TFB1M: variants seen among roughly 807,000 people sequenced by gnomAD.
TFB1M encodes the protein dimethyladenosine transferase 1, mitochondrial.
Under a neutral mutation model 31.1 loss-of-function variants are expected in TFB1M, and 27 were observed. That is an observed-to-expected ratio of 0.87 (90% CI 0.64 to 1.20). The LOEUF is 1.20. TFB1M is among the 50% of genes most tolerant of loss of function. TFB1M has a pLI of 0.00. For synonymous variants in TFB1M, 166 were observed against 151.8 expected (o/e 1.09, Z -0.69); for missense variants, 394 against 418.7 (o/e 0.94, Z 0.51).
the TFB1M span, chr6:155,245,533 C>G: frequency 2.9e-5 from 31 of 1,074,156 alleles, no homozygotes; most frequent in Non-Finnish European, 4.0e-5. Flanking sequence ...GCTATGGAAT[C>G]TGACAGAAGC....
intron 5 of TFB1M, among the ~76,000 whole-genome samples, chr6:155,278,404 G>A (rs1042195790): frequency 6.6e-6 from 1 of 152,176 alleles, no homozygotes; most frequent in African/African-American, 2.4e-5. Flanking sequence ...GTGTAAAAAC[G>A]CTCTATTTAA....
chr6:155,250,858 G>C, the TFB1M span: 1 of 1,548,174 alleles, frequency 6.5e-7, no homozygotes, highest in East Asian at 2.2e-5. Flanking sequence ...TCTAACAAGA[G>C]ATCATCTAGC....
chr6:155,310,609 T>C (rs1777972994), intron 2 of TFB1M, among the ~76,000 whole-genome samples: 1 of 152,192 alleles, frequency 6.6e-6, no homozygotes, highest in Non-Finnish European at 1.5e-5. Context: ...ACAATAACAG[T>C]GCCTGTATTT....
intron 5 of TFB1M, among the ~76,000 whole-genome samples, chr6:155,281,579 G>A (rs1785500909): frequency 6.6e-6 from 1 of 151,924 alleles, no homozygotes; most frequent in Non-Finnish European, 1.5e-5. Context: ...AAACTTAGCG[G>A]GGCATGATGG....
At chr6:155,309,716 CACGA>C (rs1777939114) in intron 2 of TFB1M, among the ~76,000 whole-genome samples, 1 of 152,152 alleles carries the variant, frequency 6.6e-6, no homozygotes, top group African/African-American at 2.4e-5. Flanking sequence ...AAAAGGGCTA[CACGA>C]ATAAGCCCGA....
chr6:155,249,535 T>G, the TFB1M span, among the ~76,000 whole-genome samples: 10 of 152,224 alleles, frequency 6.6e-5, no homozygotes, highest in African/African-American at 9.6e-5. Context: ...AATGAGATGA[T>G]TCACAGAAAT....
At chr6:155,240,615 C>G in the TFB1M span, 44 of 1,614,040 alleles carry the variant, frequency 2.7e-5, no homozygotes, top group Non-Finnish European at 3.6e-5. Context: ...AATCAGGATC[C>G]TCCTCCGAGG....
intron 5 of TFB1M, chr6:155,276,585 G>T (rs1785234574): frequency 1.9e-5 from 9 of 477,734 alleles, no homozygotes; most frequent in Non-Finnish European, 2.9e-5. Flanking sequence ...TTCCATTATT[G>T]TTTCCATGTT....
chr6:155,236,349 C>T, the TFB1M span, among the ~76,000 whole-genome samples: 3,960 of 151,822 alleles, frequency 0.026, 179 homozygotes, highest in African/African-American at 0.091. Context: ...TTAGCAACAC[C>T]TGGGGGAGTT....
At chr6:155,312,041 C>A (rs1778037402) in intron 1 of TFB1M, among the ~76,000 whole-genome samples, 1 of 152,130 alleles carries the variant, frequency 6.6e-6, no homozygotes, top group African/African-American at 2.4e-5. Context: ...AGTACTGACT[C>A]TGTGCAACCA....
chr6:155,290,589 TAAAGAA>T (rs1403710921), intron 4 of TFB1M, among the ~76,000 whole-genome samples: 3 of 152,026 alleles, frequency 2.0e-5, no homozygotes, highest in Non-Finnish European at 2.9e-5. Context: ...CTTTTTTTGT[TAAAGAA>T]AAAGAATTGC....
chr6:155,311,432 A>G, intron 1 of TFB1M, 93 bp from the exon 2 acceptor site: 2 of 1,044,684 alleles, frequency 1.9e-6, no homozygotes, highest in Middle Eastern at 4.1e-4. Context: ...AAATTCAGCC[A>G]TTACCCAATC....
At chr6:155,290,375 C>G (rs1229888567) in intron 4 of TFB1M, among the ~76,000 whole-genome samples, 35 of 114,566 alleles carry the variant, frequency 3.1e-4, no homozygotes, top group African/African-American at 1.2e-3. Flanking sequence ...GACAGAGCGG[C>G]GAGACTCGGC....
At chr6:155,252,601 C>T (rs1378461272), downstream of TFB1M, among the ~76,000 whole-genome samples, 1 of 152,206 alleles carries the variant, frequency 6.6e-6, no homozygotes, top group Non-Finnish European at 1.5e-5. Flanking sequence ...GGTTTATTTT[C>T]AAATGCCTTT....
rs1583298447 is a variant in TFB1M, at chr6:155,256,555, A to C, written c.*1281T>G. 6.2e-7 allele frequency: 1 copy of C among 1,614,164 alleles called. No homozygotes were observed. Among genetic ancestry groups the C allele is most frequent in the Non-Finnish European group, 8.5e-7 (1 of 1,180,018 alleles). On this transcript the variant is annotated 3_prime_UTR_variant, in exon 7 of 7. Coordinates refer to ENST00000367166, the MANE Select transcript of TFB1M (RefSeq NM_016020.4). Reference sequence around the variant, plus strand: ...GTGGACCGGTGAGACTGGCAAGGGAACCTTGCTGGACTCTGACGAGGGCAG... The same window carrying C: ...GTGGACCGGTGAGACTGGCAAGGGACCCTTGCTGGACTCTGACGAGGGCAG...
chr6:155,264,700 T>G (rs1281127632), intron 5 of TFB1M, among the ~76,000 whole-genome samples: 1 of 152,192 alleles, frequency 6.6e-6, no homozygotes, highest in African/African-American at 2.4e-5. Flanking sequence ...GTGTTTCCTC[T>G]CAGAGCAGAT....
chr6:155,313,719 A>G (rs1778117112), intron 1 of TFB1M, among the ~76,000 whole-genome samples: 1 of 152,182 alleles, frequency 6.6e-6, no homozygotes, highest in African/African-American at 2.4e-5. Context: ...TCGAGGAAAC[A>G]CCGCCTTGTT....
At chr6:155,279,712 A>ATT (rs1487079186) in intron 5 of TFB1M, among the ~76,000 whole-genome samples, 2 of 152,208 alleles carry the variant, frequency 1.3e-5, no homozygotes, top group Non-Finnish European at 2.9e-5. Flanking sequence ...TTACTTTTGT[A>ATT]TTAATTTCAT....
rs956097064 is a variant in TFB1M, at chr6:155,296,892, T to C, written c.546+61A>G. On this transcript the variant is annotated intron_variant, in intron 4 of 6. Coordinates refer to ENST00000367166, the MANE Select transcript of TFB1M (RefSeq NM_016020.4). ...CACAGACTGTGGTAAAAATGCAGTATTATTATTTTGCTTTGGAATTTGAAC... is the reference window on the plus strand; with the variant it reads ...CACAGACTGTGGTAAAAATGCAGTACTATTATTTTGCTTTGGAATTTGAAC... 4.9e-6 allele frequency: 7 copies of C among 1,443,052 alleles called. No individual in the cohort carries two copies. In the African/African-American group the frequency reaches 9.8e-5, roughly 20 times the overall value. The allele number at this position is 1,443,052 out of a possible 1,614,324, so 89.4% of individuals were successfully genotyped here.
Sources: allele counts gnomAD v4.1 joint callset (sites outside exome capture counted in the v4.1 genomes callset), GRCh38; gene constraint gnomAD v4.1.1; transcripts MANE v1.5; gene names NCBI Gene and HGNC (gene_info 2026-07-23, HGNC 2026-07-21).